The following PDE1A variants were observed in gnomAD, a reference collection of about 807,000 sequenced individuals.
The protein encoded by PDE1A is phosphodiesterase 1A, also known as dual specificity calcium/calmodulin-dependent 3',5'-cyclic nucleotide phosphodiesterase 1A.
PDE1A carries 35 observed loss-of-function variants against 61.7 expected under a neutral mutation model. The ratio of observed to expected loss-of-function variants is 0.57; its 90% CI spans 0.43 to 0.75. PDE1A has a LOEUF of 0.75. Among genes scored for constraint, PDE1A ranks in the 30% least tolerant of loss-of-function variants. The probability of loss-of-function intolerance (pLI) is 0.00; values close to 1 mark genes in which losing one functional copy is unlikely to be tolerated. For missense variants in PDE1A, 597 were observed against 630.6 expected (o/e 0.95, Z 0.57); for synonymous variants, 232 against 213.2 (o/e 1.09, Z -0.77).
the PDE1A span, among the ~76,000 whole-genome samples, chr2:182,641,110 A>T: frequency 6.6e-6 from 1 of 152,070 alleles, no homozygotes; most frequent in African/African-American, 2.4e-5. Context: ...GAAAAATGAA[A>T]GAACATTAAG....
intron 7 of PDE1A, among the ~76,000 whole-genome samples, chr2:182,206,702 T>C (rs1687132891): frequency 6.6e-6 from 1 of 152,170 alleles, no homozygotes; most frequent in Admixed American, 6.5e-5. Context: ...AAATCTTATG[T>C]TGAATTGTAA....
At chr2:182,242,912 CT>C (rs1574125723) in intron 2 of PDE1A, among the ~76,000 whole-genome samples, 6 of 62,774 alleles carry the variant, frequency 9.6e-5, no homozygotes, top group Non-Finnish European at 1.7e-4. Context: ...CTCTCTCTCT[CT>C]CTCTCTCTCT....
rs764319177 is a variant in PDE1A at position 182,369,500 on chromosome 2, C to T, written c.53+57078G>A. Among the ~76,000 whole-genome samples, 23 of 152,180 alleles carry T rather than the reference C, an allele frequency of 1.5e-4. No individual in the cohort carries two copies. The East Asian group carries it at 1.5e-3, about 10-fold the overall frequency. On this transcript the variant is annotated intron_variant, in intron 1 of 13. Coordinates refer to ENST00000351439, the Ensembl canonical transcript of PDE1A. ...GCATTTATTGGAAATAAGGGGGAAA[C>T]GTTTCATGGTAGCTTCATCTTTACC...
chr2:182,523,620 T>C (rs1690687743), upstream of PDE1A, among the ~76,000 whole-genome samples: 1 of 152,166 alleles, frequency 6.6e-6, no homozygotes, highest in Non-Finnish European at 1.5e-5. Flanking sequence ...GTAGAGACAT[T>C]CAAAGATTGG....
intron 2 of PDE1A, among the ~76,000 whole-genome samples, chr2:182,444,406 C>T (rs1369227769): frequency 6.6e-6 from 1 of 152,066 alleles, no homozygotes; most frequent in East Asian, 1.9e-4. Flanking sequence ...AGCACTTATA[C>T]TTCTTTTCAT....
At chr2:182,354,766 A>C (rs1443005585) in intron 1 of PDE1A, among the ~76,000 whole-genome samples, 3 of 152,156 alleles carry the variant, frequency 2.0e-5, no homozygotes, top group Non-Finnish European at 4.4e-5. Context: ...ATAACATTCA[A>C]ATATTAGTAC....
At chr2:182,693,400 T>TA in the PDE1A span, among the ~76,000 whole-genome samples, 1 of 152,152 alleles carries the variant, frequency 6.6e-6, no homozygotes, top group Non-Finnish European at 1.5e-5. Flanking sequence ...AATACTGTAT[T>TA]ATTTGTATTT....
chr2:182,391,631 C>T (rs1015602291), intron 1 of PDE1A, among the ~76,000 whole-genome samples: 16 of 152,186 alleles, frequency 1.1e-4, no homozygotes, highest in African/African-American at 2.4e-5. Context: ...GTGGGAACCA[C>T]AATCACTCAA....
the PDE1A span, among the ~76,000 whole-genome samples, chr2:182,575,933 T>C: frequency 6.8e-6 from 1 of 147,206 alleles, no homozygotes; most frequent in Non-Finnish European, 1.5e-5. Flanking sequence ...TTATACTATA[T>C]ATAGTATTAA....
chr2:182,580,880 A>G, the PDE1A span, among the ~76,000 whole-genome samples: 2 of 151,890 alleles, frequency 1.3e-5, no homozygotes, highest in Non-Finnish European at 2.9e-5. Flanking sequence ...CTTTTTCCCC[A>G]TTATTCCACA....
chr2:182,140,916 A>G (rs1172756523), exon 15 of PDE1A: 2 of 152,070 alleles, frequency 1.3e-5, no homozygotes, highest in East Asian at 3.8e-4. Context: ...GTACAGCAGT[A>G]GCATGACAAT....
intron 2 of PDE1A, among the ~76,000 whole-genome samples, chr2:182,471,738 C>T (rs895115796): frequency 1.6e-4 from 24 of 151,772 alleles, no homozygotes; most frequent in African/African-American, 5.1e-4. Context: ...TTCAGCAATA[C>T]GGTGGCTAAA....
At chr2:182,404,937 A>G (rs1183584675) in intron 1 of PDE1A, among the ~76,000 whole-genome samples, 2 of 152,246 alleles carry the variant, frequency 1.3e-5, no homozygotes, top group Non-Finnish European at 2.9e-5. Flanking sequence ...ATAACAGTAC[A>G]TATACCAGTA....
the PDE1A span, among the ~76,000 whole-genome samples, chr2:182,626,716 T>C: frequency 3.1e-5 from 1 of 32,478 alleles, no homozygotes; most frequent in South Asian, 1.7e-3. Flanking sequence ...AACAAATGGC[T>C]TTATATATAT....
At chr2:182,546,802 A>G in the PDE1A span, among the ~76,000 whole-genome samples, 2 of 152,216 alleles carry the variant, frequency 1.3e-5, no homozygotes, top group Non-Finnish European at 2.9e-5. Context: ...TCTAAATGAC[A>G]GGGTGTTGTA....
At chr2:182,485,137 T>A (rs928128138) in intron 2 of PDE1A, among the ~76,000 whole-genome samples, 3 of 152,082 alleles carry the variant, frequency 2.0e-5, no homozygotes, top group African/African-American at 7.2e-5. Context: ...AGTAACAGAT[T>A]GGATAAAGAA....
At chr2:182,590,867 C>T in the PDE1A span, among the ~76,000 whole-genome samples, 1 of 152,140 alleles carries the variant, frequency 6.6e-6, no homozygotes, top group Non-Finnish European at 1.5e-5. Context: ...TGCCTACTAG[C>T]GAAACAACTC....
the PDE1A span, among the ~76,000 whole-genome samples, chr2:182,632,203 T>G: frequency 6.6e-6 from 1 of 152,054 alleles, no homozygotes; most frequent in African/African-American, 2.4e-5. Context: ...AGATTTAAAG[T>G]CAAACAAAAA....
chr2:182,480,238 T>C (rs1687619808), intron 2 of PDE1A, among the ~76,000 whole-genome samples: 1 of 151,902 alleles, frequency 6.6e-6, no homozygotes, highest in Non-Finnish European at 1.5e-5. Context: ...TACTAACTCA[T>C]ATATGGTCAA....
Sources: allele counts gnomAD v4.1 joint callset (sites outside exome capture counted in the v4.1 genomes callset), GRCh38; gene constraint gnomAD v4.1.1; transcripts MANE v1.5; gene names NCBI Gene and HGNC (gene_info 2026-07-23, HGNC 2026-07-21).